The following CEP83 variants were observed in gnomAD, a reference collection of about 807,000 sequenced individuals.
The protein encoded by CEP83 is centrosomal protein of 83 kDa.
A neutral mutation model predicts 101.9 loss-of-function variants in CEP83; 70 were observed. The observed-to-expected ratio is 0.69, with a 90% CI of 0.57 to 0.84. CEP83 has a LOEUF of 0.84. CEP83 is among the 40% of genes least tolerant of loss of function. The probability of loss-of-function intolerance (pLI) is 0.00; values close to 1 mark genes in which losing one functional copy is unlikely to be tolerated. For synonymous variants in CEP83, 264 were observed against 267.9 expected, an observed-to-expected ratio of 0.99 and a Z score of 0.14; for missense variants, 715 against 787.2, an observed-to-expected ratio of 0.91 and a Z score of 1.10.
chr12:94,356,035 CGCTGGGTTAGGGTCTCCCCTACCAA>C (rs769910883), intron 11 of CEP83, among the ~76,000 whole-genome samples: 134 of 152,078 alleles, frequency 8.8e-4, no homozygotes, highest in Non-Finnish European at 1.8e-3. Flanking sequence ...CCTCTAGTGC[CGCTGGGTTAGGGTCTCCCCTACCAA>C]GCCTGTCTCG....
At chr12:94,332,552 GATTA>G (rs1364711506) in intron 13 of CEP83, among the ~76,000 whole-genome samples, 1 of 152,048 alleles carries the variant, frequency 6.6e-6, no homozygotes, top group African/African-American at 2.4e-5. Context: ...AGAAACCAAT[GATTA>G]ATTACTTAAA....
intron 11 of CEP83, among the ~76,000 whole-genome samples, chr12:94,343,823 C>A (rs1198934173): frequency 6.6e-6 from 1 of 152,166 alleles, no homozygotes. Flanking sequence ...GTTCTCCTAC[C>A]TGGAAATTAA....
intron 6 of CEP83, among the ~76,000 whole-genome samples, chr12:94,398,938 C>T (rs1200306686): frequency 6.6e-6 from 1 of 152,120 alleles, no homozygotes; most frequent in African/African-American, 2.4e-5. Flanking sequence ...GATTGGGAAA[C>T]CCCACCCTGG....
the CEP83 span, among the ~76,000 whole-genome samples, chr12:94,286,667 CAG>C: frequency 7.0e-6 from 1 of 143,534 alleles, no homozygotes; most frequent in Non-Finnish European, 1.5e-5. Context: ...GGGTCTAATT[CAG>C]AGTTTTAAGT....
chr12:94,288,775 A>G, the CEP83 span, among the ~76,000 whole-genome samples: 1 of 152,224 alleles, frequency 6.6e-6, no homozygotes, highest in Non-Finnish European at 1.5e-5. Context: ...ACGGAGGGAG[A>G]GCAATATTGG....
chr12:94,436,616 A>G (rs968872939), intron 1 of CEP83, among the ~76,000 whole-genome samples: 3 of 152,056 alleles, frequency 2.0e-5, no homozygotes, highest in African/African-American at 7.2e-5. Context: ...GTGGACCACA[A>G]GGTCAGGAGA....
chr12:94,302,410 C>T (rs1968555502), downstream of CEP83, among the ~76,000 whole-genome samples: 1 of 152,182 alleles, frequency 6.6e-6, no homozygotes. Flanking sequence ...CTAATGAGGA[C>T]CAGAAACTGT....
rs143826389 is a variant in CEP83 at position 94,330,276 on chromosome 12, GCACA to G, written c.1707+1420_1707+1423del. Among the ~76,000 whole-genome samples the G allele has an allele frequency of 3.3e-5, 5 of 149,420 alleles. No individual in the cohort carries two copies. The East Asian group carries it at 5.9e-4, about 18-fold the overall frequency. On this transcript the variant is annotated intron_variant, in intron 14 of 16. Transcript: ENST00000397809. Reference sequence around the variant, plus strand: ...ATTTGTGGGACTTTACATATAACACGCACACACACACACACACACTTTATCATGT... The same window carrying G: ...ATTTGTGGGACTTTACATATAACACGCACACACACACACACTTTATCATGT...
At chr12:94,364,660 TA>T (rs928234923) in intron 11 of CEP83, among the ~76,000 whole-genome samples, 8 of 152,006 alleles carry the variant, frequency 5.3e-5, no homozygotes, top group Non-Finnish European at 7.4e-5. Flanking sequence ...TTTTTTAATG[TA>T]AAATGGCACA....
intron 11 of CEP83, among the ~76,000 whole-genome samples, chr12:94,348,892 C>T (rs911327744): frequency 2.6e-5 from 4 of 152,166 alleles, no homozygotes; most frequent in Non-Finnish European, 4.4e-5. Flanking sequence ...CCATAGTCAC[C>T]TGACCTCTTG....
chr12:94,428,979 T>C (rs1351420820), intron 2 of CEP83, among the ~76,000 whole-genome samples: 1 of 152,196 alleles, frequency 6.6e-6, no homozygotes, highest in African/African-American at 2.4e-5. Flanking sequence ...TTTATGATGG[T>C]CAGTGGAATA....
chr12:94,374,152 G>A (rs974834241), intron 8 of CEP83, among the ~76,000 whole-genome samples: 4 of 152,082 alleles, frequency 2.6e-5, no homozygotes, highest in Admixed American at 6.6e-5. Context: ...ACTCTAAGAG[G>A]AAAGAGCAAT....
Position 94,416,551 on chromosome 12 carries a change from TAC to T in CEP83, c.-101-3962_-101-3961del, listed in dbSNP as rs1555256390. Among the ~76,000 whole-genome samples the T allele has an allele frequency of 7.2e-3, 1,042 of 145,592 alleles. 10 individuals carry two copies. Among genetic ancestry groups the T allele is most frequent in the African/African-American group, 0.025 (968 of 39,240 alleles). ...TACAATCTACTCTATCCAAATACCA[TAC>T]ACACACACACACACACACACAAAAA... On this transcript the variant is annotated intron_variant, in intron 2 of 16. Coordinates refer to ENST00000397809, the MANE Select transcript of CEP83 (RefSeq NM_016122.3).
chr12:94,348,152 A>C (rs1003551477), intron 11 of CEP83, among the ~76,000 whole-genome samples: 11 of 151,982 alleles, frequency 7.2e-5, no homozygotes, highest in Non-Finnish European at 1.6e-4. Context: ...TGACTTGACC[A>C]AGAAAGAAAG....
At chr12:94,401,048 T>C in intron 5 of CEP83, 67 bp from the exon 6 acceptor site, 2 of 849,862 alleles carry the variant, frequency 2.4e-6, no homozygotes, top group African/African-American at 1.7e-5. Context: ...TAGTCACTTT[T>C]ACAAATATAA....
At chr12:94,368,915 G>A (rs1030956898) in intron 9 of CEP83, 1 of 152,188 alleles carries the variant, frequency 6.6e-6, no homozygotes, top group Non-Finnish European at 1.5e-5. Flanking sequence ...AGCTACTGAG[G>A]AGGCTTAGGC....
intron 11 of CEP83, among the ~76,000 whole-genome samples, chr12:94,340,496 G>C (rs1479221796): frequency 6.6e-6 from 1 of 151,622 alleles, no homozygotes; most frequent in East Asian, 1.9e-4. Flanking sequence ...GAGTGCAGTG[G>C]CACAATCTTG....
intron 11 of CEP83, among the ~76,000 whole-genome samples, chr12:94,345,781 C>T (rs1397545976): frequency 6.6e-6 from 1 of 152,230 alleles, no homozygotes; most frequent in Non-Finnish European, 1.5e-5. Flanking sequence ...TTACAATTCT[C>T]TGCACAGTCT....
In CEP83 at chr12:94,313,177, G is replaced by C. The variant is rs80068879; in HGVS notation, c.1708-160C>G. On this transcript the variant is annotated intron_variant, in intron 14 of 16. Coordinates refer to ENST00000397809, the MANE Select transcript of CEP83 (RefSeq NM_016122.3). ...GTAGACATGGCTCTTACTGAAAATT[G>C]CAAAGATAATAAACCACAAATCTAT... 3,424 of 399,916 alleles carry C rather than the reference G, an allele frequency of 8.6e-3. 78 individuals are homozygous for C. The highest frequency in any genetic ancestry group is 0.074 in the East Asian group (1,902 of 25,856). The allele number at this position is 399,916 out of a possible 1,614,324, so 24.8% of individuals were successfully genotyped here.
Sources: gnomAD v4.1 joint callset for allele counts (sites outside exome capture counted in the v4.1 genomes callset) on GRCh38, gnomAD v4.1.1 for gene constraint, MANE v1.5 for transcripts, NCBI Gene and HGNC (gene_info 2026-07-23, HGNC 2026-07-21) for gene names.